Variants in SPRY3 observed in about 807,000 individuals in gnomAD.
SPRY3 encodes protein sprouty homolog 3.
SPRY3 carries 15 observed loss-of-function variants against 20.2 expected under a neutral mutation model. That is an observed-to-expected ratio of 0.74 (90% CI 0.50 to 1.14). SPRY3 has a LOEUF of 1.14. Ranked by LOEUF, SPRY3 falls within the 50% of genes most tolerant of loss-of-function variation. The pLI is 0.00. For missense variants in SPRY3, 364 were observed against 363.9 expected (o/e 1.00, Z 0.00); for synonymous variants, 143 against 136.5 (o/e 1.05, Z -0.33).
Position 155,651,598 on chromosome X carries a change from T to G in SPRY3, c.-440-5269T>G, listed in dbSNP as rs1416436611. Among the ~76,000 whole-genome samples, 6 of 112,268 alleles carry G rather than the reference T, an allele frequency of 5.3e-5. No homozygotes were observed. The Admixed American group carries it at 5.7e-4, about 11-fold the overall frequency. On this transcript the variant is annotated intron_variant, in intron 1 of 3. Coordinates refer to ENST00000675360, the Ensembl canonical transcript of SPRY3. ...TAGATTTACAAATATCCCAGTCTGT[T>G]GCTTGTCATTTTATCCTTAGAGTTT...
chrX:155,750,740 G>T (rs2091258179), intron 2 of SPRY3, among the ~76,000 whole-genome samples: 1 of 151,784 alleles, frequency 6.6e-6, no homozygotes, highest in Non-Finnish European at 1.5e-5. Context: ...AGAGCAGATG[G>T]TATAAAATAG....
intron 1 of SPRY3, among the ~76,000 whole-genome samples, chrX:155,638,326 A>AAAGTTT (rs1569562429): frequency 2.2e-3 from 3 of 1,357 alleles, no homozygotes; most frequent in Non-Finnish European, 8.7e-3. Context: ...ATATATATAT[A>AAAGTTT]TATATATATA....
At chrX:155,773,911 C>G (rs2091400966) in exon 4 of SPRY3, 1 of 1,613,690 alleles carries the variant, frequency 6.2e-7, no homozygotes, top group African/African-American at 1.3e-5. Context: ...ACAAATTCTG[C>G]CTATTGAACA....
At chrX:155,635,475 C>A (rs1293228702) in intron 1 of SPRY3, among the ~76,000 whole-genome samples, 1 of 111,104 alleles carries the variant, frequency 9.0e-6, no homozygotes, top group Non-Finnish European at 1.9e-5. Context: ...TGACAAAGGG[C>A]TAAATATCCA....
intron 2 of SPRY3, among the ~76,000 whole-genome samples, chrX:155,709,975 A>C (rs189794610): frequency 6.6e-6 from 1 of 151,456 alleles, no homozygotes; most frequent in African/African-American, 2.4e-5. Flanking sequence ...CACTGTAGGT[A>C]TGTGGATTTG....
chrX:155,752,375 A>T (rs919424415), intron 2 of SPRY3, among the ~76,000 whole-genome samples: 7 of 151,832 alleles, frequency 4.6e-5, no homozygotes, highest in African/African-American at 1.7e-4. Flanking sequence ...CTATAATTCC[A>T]TAATGGAAAA....
intron 1 of SPRY3, among the ~76,000 whole-genome samples, chrX:155,639,783 C>T (rs2067935335): frequency 8.9e-6 from 1 of 111,870 alleles, no homozygotes; most frequent in Non-Finnish European, 1.9e-5. Flanking sequence ...TTTGAGGAAA[C>T]TCTTTAGTGT....
At chrX:155,713,199 C>T (rs1396490158) in intron 2 of SPRY3, among the ~76,000 whole-genome samples, 7 of 151,812 alleles carry the variant, frequency 4.6e-5, no homozygotes, top group Admixed American at 6.6e-5. Context: ...CCTATCAACC[C>T]GTCATTATTT....
At chrX:155,676,751 A>G (rs1436764453) in intron 2 of SPRY3, among the ~76,000 whole-genome samples, 1 of 111,826 alleles carries the variant, frequency 8.9e-6, no homozygotes, top group Non-Finnish European at 1.9e-5. Context: ...CACATGGCGG[A>G]AGGTGGTGGG....
At chrX:155,714,489 C>T (rs1334971405) in intron 2 of SPRY3, among the ~76,000 whole-genome samples, 1 of 152,166 alleles carries the variant, frequency 6.6e-6, no homozygotes, top group Non-Finnish European at 1.5e-5. Context: ...GAGACTCATT[C>T]TTTTTCCTTA....
chrX:155,658,195 G>A (rs375746660), intron 2 of SPRY3, among the ~76,000 whole-genome samples: 1 of 111,578 alleles, frequency 9.0e-6, no homozygotes, highest in African/African-American at 3.3e-5. Flanking sequence ...GGTTCCATAT[G>A]TACTTTATAA....
intron 1 of SPRY3, among the ~76,000 whole-genome samples, chrX:155,618,160 C>T (rs1557349095): frequency 1.5e-4 from 17 of 111,908 alleles, no homozygotes; most frequent in Non-Finnish European, 5.7e-5. Context: ...TCATGCTGCC[C>T]CTTTATAGCC....
intron 2 of SPRY3, among the ~76,000 whole-genome samples, chrX:155,677,446 A>G: frequency 9.1e-6 from 1 of 110,180 alleles, no homozygotes; most frequent in Non-Finnish European, 1.9e-5. Flanking sequence ...AGTGTAATTC[A>G]CTCTCCTTCC....
At chrX:155,773,727 G>C in intron 3 of SPRY3, 39 bp from the exon 3 acceptor site, 3 of 922,486 alleles carry the variant, frequency 3.3e-6, no homozygotes, top group Non-Finnish European at 5.0e-6. Context: ...ACTTATGCCT[G>C]TGTGTTCTCA....
chrX:155,709,623 C>A (rs1358516981), intron 2 of SPRY3, among the ~76,000 whole-genome samples: 8 of 151,668 alleles, frequency 5.3e-5, no homozygotes, highest in Non-Finnish European at 1.5e-5. Context: ...TGTCTCTTCA[C>A]TTTGTTGATT....
chrX:155,671,282 ACATTTTTTTAAT>A (rs1182261241), intron 2 of SPRY3, among the ~76,000 whole-genome samples: 1 of 111,389 alleles, frequency 9.0e-6, no homozygotes, highest in Non-Finnish European at 1.9e-5. Flanking sequence ...TAGCCTGATA[ACATTTTTTTAAT>A]CTCTCTCTCT....
At chrX:155,616,137 CTCTCTCTCTCTCT>C (rs1466953499) in intron 1 of SPRY3, among the ~76,000 whole-genome samples, 1 of 96,643 alleles carries the variant, frequency 1.0e-5, no homozygotes, top group Admixed American at 1.1e-4. Flanking sequence ...TCTCCTCTCT[CTCTCTCTCTCTCT>C]TCTCTCTCTC....
chrX:155,676,293 T>G (rs372154885), intron 2 of SPRY3, among the ~76,000 whole-genome samples: 1 of 111,726 alleles, frequency 9.0e-6, no homozygotes, highest in East Asian at 2.8e-4. Context: ...TGTTCTAATA[T>G]ATCCAGTGTG....
intron 1 of SPRY3, among the ~76,000 whole-genome samples, chrX:155,619,162 G>A (rs1557349186): frequency 9.0e-6 from 1 of 111,022 alleles, no homozygotes; most frequent in Non-Finnish European, 1.9e-5. Context: ...TAGTTTTGTG[G>A]CTTACATTTA....
Sources: gnomAD v4.1 joint callset for allele counts (sites outside exome capture counted in the v4.1 genomes callset) on GRCh38, gnomAD v4.1.1 for gene constraint, MANE v1.5 for transcripts, NCBI Gene and HGNC (gene_info 2026-07-23, HGNC 2026-07-21) for gene names.